The following SNX18 variants were observed in gnomAD, a reference collection of about 807,000 sequenced individuals.
The protein encoded by SNX18 is sorting nexin-18.
A neutral mutation model predicts 48.7 loss-of-function variants in SNX18; 35 were observed. That is an observed-to-expected ratio of 0.72 (90% CI 0.55 to 0.95). The LOEUF (loss-of-function observed/expected upper bound fraction) is 0.95, where lower values mean the gene tolerates loss of function less well. SNX18 is among the 40% of genes least tolerant of loss of function. The probability of loss-of-function intolerance (pLI) is 0.00; values close to 1 mark genes in which losing one functional copy is unlikely to be tolerated. For missense variants in SNX18, 824 were observed against 871.0 expected, an observed-to-expected ratio of 0.95 and a Z score of 0.68; for synonymous variants, 492 against 384.7, an observed-to-expected ratio of 1.28 and a Z score of -3.26.
chr5:54,569,007 TA>T, the SNX18 span, among the ~76,000 whole-genome samples: 1 of 152,010 alleles, frequency 6.6e-6, no homozygotes, highest in African/African-American at 2.4e-5. Context: ...TACACCCAGC[TA>T]ATTTTTGCAT....
At chr5:54,617,378 C>T in the SNX18 span, among the ~76,000 whole-genome samples, 3 of 152,160 alleles carry the variant, frequency 2.0e-5, no homozygotes, top group Non-Finnish European at 4.4e-5. Flanking sequence ...CAAGTGAAAA[C>T]ATGCTTTTTA....
intron 1 of SNX18, among the ~76,000 whole-genome samples, chr5:54,538,536 G>C (rs1348941808): frequency 6.6e-6 from 1 of 152,108 alleles, no homozygotes; most frequent in East Asian, 1.9e-4. Context: ...TACCTTTACT[G>C]TTTGTTAAAA....
Position 54,517,793 on chromosome 5 carries a change from A to G in SNX18, c.-160A>G, listed in dbSNP as rs1352487169. 1 of 626,438 alleles carries G rather than the reference A, an allele frequency of 1.6e-6. No individual in the cohort carries two copies. Among genetic ancestry groups the G allele is most frequent in the Non-Finnish European group, 2.3e-6 (1 of 437,224 alleles). 38.8% of individuals were successfully genotyped at this position (626,438 alleles called of 1,614,324 possible). A position where few individuals can be genotyped will look rare whatever the true frequency, so the allele number is the denominator to read the frequency against. On this transcript the variant is annotated 5_prime_UTR_variant, in exon 1 of 2. Coordinates refer to ENST00000381410, the MANE Select transcript of SNX18 (RefSeq NM_001102575.2). ...TGCGAAGTGGAGGCGCTGCGAGCGG[A>G]GCCGCGCGGAGGGCGCGACCGGCTG... is the stretch of plus-strand genomic sequence containing the variant.
the SNX18 span, among the ~76,000 whole-genome samples, chr5:54,585,297 GAAAAAAA>G: frequency 2.1e-5 from 2 of 96,252 alleles, no homozygotes; most frequent in Non-Finnish European, 4.3e-5. Flanking sequence ...GTCCCAAAAA[GAAAAAAA>G]AAAAAAAAAC....
intron 1 of SNX18, among the ~76,000 whole-genome samples, chr5:54,526,684 T>A (rs1580097526): frequency 6.6e-6 from 1 of 152,308 alleles, no homozygotes; most frequent in Non-Finnish European, 1.5e-5. Context: ...ATGCTAGTGT[T>A]GCATCAGTGG....
the SNX18 span, among the ~76,000 whole-genome samples, chr5:54,636,276 T>C: frequency 3.9e-4 from 59 of 152,306 alleles, 1 homozygote; most frequent in East Asian, 9.7e-3. Context: ...CTAAGTCTAC[T>C]GATATCACTT....
chr5:54,527,928 T>A (rs1249874275), intron 1 of SNX18, among the ~76,000 whole-genome samples: 1 of 152,172 alleles, frequency 6.6e-6, no homozygotes, highest in Non-Finnish European at 1.5e-5. Flanking sequence ...AAAGATAGAA[T>A]CTAGATGTAT....
chr5:54,626,856 G>A, the SNX18 span, among the ~76,000 whole-genome samples: 2 of 152,170 alleles, frequency 1.3e-5, no homozygotes, highest in African/African-American at 4.8e-5. Context: ...ACTTGTTTAT[G>A]GTTAACTAGT....
In SNX18 at chr5:54,543,137, T is replaced by C. The variant is rs369228259; in HGVS notation, c.1622-42T>C. The C allele has an allele frequency of 2.3e-5, 36 of 1,575,798 alleles. 1 individual carries two copies. Among genetic ancestry groups the C allele is most frequent in the East Asian group, 6.8e-5 (3 of 43,946 alleles). ...TATGTAGTTATGTTCTTGGGATATG[T>C]GGATATATAGGTTTTTAATTAATTG... On this transcript the variant is annotated intron_variant, in intron 1 of 1. Coordinates refer to ENST00000381410, the MANE Select transcript of SNX18 (RefSeq NM_001102575.2).
chr5:54,645,169 G>A, the SNX18 span: 1 of 152,214 alleles, frequency 6.6e-6, no homozygotes, highest in African/African-American at 2.4e-5. Flanking sequence ...AACATGGTAA[G>A]AATGATATAA....
the SNX18 span, among the ~76,000 whole-genome samples, chr5:54,555,326 G>A: frequency 6.6e-6 from 1 of 151,036 alleles, no homozygotes; most frequent in Non-Finnish European, 1.5e-5. Flanking sequence ...TAGTCAGTTG[G>A]CTTCTTTTCT....
At chr5:54,574,102 C>T in the SNX18 span, among the ~76,000 whole-genome samples, 4 of 152,196 alleles carry the variant, frequency 2.6e-5, no homozygotes, top group African/African-American at 9.6e-5. Context: ...GCTTAAGTGG[C>T]CCAAAGGCTG....
chr5:54,601,054 A>T, the SNX18 span, among the ~76,000 whole-genome samples: 1 of 152,072 alleles, frequency 6.6e-6, no homozygotes, highest in Non-Finnish European at 1.5e-5. Context: ...CTATCCATTC[A>T]TCTATTCCTC....
the SNX18 span, among the ~76,000 whole-genome samples, chr5:54,595,563 A>T: frequency 6.6e-6 from 1 of 152,136 alleles, no homozygotes; most frequent in South Asian, 2.1e-4. Context: ...AAATCTCCAA[A>T]CTACTTTCCA....
In SNX18 at chr5:54,518,509, G is replaced by T. The variant is rs1397876496; in HGVS notation, c.557G>T (p.Gly186Val). 5.8e-6 allele frequency: 9 copies of T among 1,557,692 alleles called. No homozygotes were observed. Among genetic ancestry groups the T allele is most frequent in the Non-Finnish European group, 7.8e-6 (9 of 1,151,808 alleles). ...GACCTCGACGGCTCGTCTTCGGCGGGTGTGGGCGCAGCCGGCCGCTACCGC... is the reference window on the plus strand; with the variant it reads ...GACCTCGACGGCTCGTCTTCGGCGGTTGTGGGCGCAGCCGGCCGCTACCGC... The part of the protein sequence containing the change: ...YPDLDGSSSA[G>V]VGAAGRYRLS... Residue 186 changes from glycine (G) to valine (V), a missense_variant, in exon 1 of 2, where the codon GGT (glycine) becomes GTT (valine). By Grantham distance (109) the Gly-to-Val change is moderately radical (BLOSUM62 -3). Transcript: ENST00000381410.
At chr5:54,642,300 T>C in the SNX18 span, among the ~76,000 whole-genome samples, 1 of 152,184 alleles carries the variant, frequency 6.6e-6, no homozygotes, top group African/African-American at 2.4e-5. Context: ...TTGTATATTA[T>C]CTCAGTGCTC....
At chr5:54,611,946 T>C in the SNX18 span, among the ~76,000 whole-genome samples, 1 of 151,716 alleles carries the variant, frequency 6.6e-6, no homozygotes, top group Non-Finnish European at 1.5e-5. Flanking sequence ...AGCACAATCA[T>C]AACTCACTGT....
the SNX18 span, among the ~76,000 whole-genome samples, chr5:54,619,836 G>C: frequency 6.6e-6 from 1 of 151,998 alleles, no homozygotes; most frequent in Non-Finnish European, 1.5e-5. Flanking sequence ...CAAGGCAAGT[G>C]GTTACATTCT....
chr5:54,518,493 G>A lies in SNX18; in HGVS notation c.541G>A (p.Gly181Ser), dbSNP rs1333463999. 1 of 1,570,942 alleles carries A rather than the reference G, an allele frequency of 6.4e-7. No individual in the cohort carries two copies. Among genetic ancestry groups the A allele is most frequent in the East Asian group, 2.4e-5 (1 of 42,192 alleles). Residue 181 changes from glycine to serine, a missense_variant, in exon 1 of 2, where the codon GGC becomes AGC. By Grantham distance (56) the Gly-to-Ser change is moderately conservative. Around this residue, in one of 3 missense-constraint regions of SNX18, gnomAD observed 377 missense variants for 350.6 expected, o/e 1.08. Coordinates refer to ENST00000381410, the MANE Select transcript of SNX18 (RefSeq NM_001102575.2). ...CAGCGGAGCATACCCGGACCTCGACGGCTCGTCTTCGGCGGGTGTGGGCGC... is the reference window on the plus strand; with the variant it reads ...CAGCGGAGCATACCCGGACCTCGACAGCTCGTCTTCGGCGGGTGTGGGCGC... ...LGSGAYPDLD[G>S]SSSAGVGAAG...
Sources: allele counts gnomAD v4.1 joint callset (sites outside exome capture counted in the v4.1 genomes callset), GRCh38; gene constraint gnomAD v4.1.1; regional missense constraint gnomAD v4.1.1; transcripts MANE v1.5; gene names NCBI Gene and HGNC (gene_info 2026-07-23, HGNC 2026-07-21).